P2RY8: variants seen among roughly 807,000 people sequenced by gnomAD.
P2RY8 encodes the protein S-geranylgeranyl-glutathione receptor P2RY8.
A neutral mutation model predicts 10.0 loss-of-function variants in P2RY8; 6 were observed. That is an observed-to-expected ratio of 0.60 (90% confidence interval 0.33 to 1.19). The LOEUF (loss-of-function observed/expected upper bound fraction) is 1.19, where lower values mean the gene tolerates loss of function less well. P2RY8 is among the 50% of genes most tolerant of loss of function. The probability of loss-of-function intolerance (pLI) is 0.04; values close to 1 mark genes in which losing one functional copy is unlikely to be tolerated. For synonymous variants in P2RY8, 276 were observed against 252.5 expected (o/e 1.09, Z -0.88); for missense variants, 456 against 542.0 (o/e 0.84, Z 1.58).
At chrX:1,499,482 C>T (rs1164776699) in intron 1 of P2RY8, among the ~76,000 whole-genome samples, 2 of 152,010 alleles carry the variant, frequency 1.3e-5, no homozygotes, top group Non-Finnish European at 2.9e-5. Flanking sequence ...CCTTTTCTTA[C>T]GCATGAGGTA....
Position 1,466,358 on chromosome X carries a change from G to A in P2RY8, c.201C>T (p.Val67=). 5 of 1,613,854 alleles carry A rather than the reference G, an allele frequency of 3.1e-6. No individual in the cohort carries two copies. The highest frequency in any genetic ancestry group is 4.2e-6 in the Non-Finnish European group (5 of 1,179,864). Residue 67 remains valine, a synonymous_variant, in exon 2 of 2, where the codon GTC becomes GTT. Transcript: ENST00000381297. ...ACACGCTGGCCAGCATCAGGTCCGT[G>A]ACGCTCAGGTTGATCATGAAGATGA... The part of the protein sequence containing the change: ...PSVIFMINLS[V]TDLMLASVLP...
intron 1 of P2RY8, among the ~76,000 whole-genome samples, chrX:1,526,533 C>G (rs1239999190): frequency 6.6e-6 from 1 of 151,872 alleles, no homozygotes. Context: ...TGGATGGATG[C>G]ATCCACCACT....
At chrX:1,494,340 C>A (rs2092096824) in intron 1 of P2RY8, 1 of 152,432 alleles carries the variant, frequency 6.6e-6, no homozygotes, top group East Asian at 1.9e-4. Context: ...CTCCGGAGAC[C>A]CAGCAAGCTG....
At chrX:1,494,463 G>A (rs747473041) in intron 1 of P2RY8, 8 of 152,212 alleles carry the variant, frequency 5.3e-5, no homozygotes, top group African/African-American at 1.9e-4. Flanking sequence ...GGGCCCCAGG[G>A]AGCGAGGTCA....
chrX:1,503,139 C>T (rs1387156623), intron 1 of P2RY8, among the ~76,000 whole-genome samples: 2 of 151,340 alleles, frequency 1.3e-5, no homozygotes, highest in Admixed American at 6.6e-5. Context: ...CACGTGGAGA[C>T]GGAGACAGAG....
chrX:1,532,512 T>G (rs2092486661), intron 1 of P2RY8, among the ~76,000 whole-genome samples: 1 of 148,172 alleles, frequency 6.7e-6, no homozygotes, highest in Non-Finnish European at 1.5e-5. Context: ...TATGTATAGA[T>G]GTATATGATG....
chrX:1,481,862 C>A (rs1342286219), intron 1 of P2RY8, among the ~76,000 whole-genome samples: 1 of 152,148 alleles, frequency 6.6e-6, no homozygotes, highest in Non-Finnish European at 1.5e-5. Context: ...CAAGAATCCT[C>A]CTAGCTAAGC....
intron 1 of P2RY8, among the ~76,000 whole-genome samples, chrX:1,493,037 G>C: frequency 6.6e-6 from 1 of 151,590 alleles, no homozygotes; most frequent in South Asian, 2.1e-4. Context: ...ATCAGGCCAG[G>C]CGCACTTTGG....
At chrX:1,512,815 G>A (rs2092308844) in intron 1 of P2RY8, among the ~76,000 whole-genome samples, 1 of 149,098 alleles carries the variant, frequency 6.7e-6, no homozygotes, top group South Asian at 2.1e-4. Flanking sequence ...TCTCTGCCTG[G>A]TCCTGCCCTT....
intron 1 of P2RY8, among the ~76,000 whole-genome samples, chrX:1,511,629 C>G (rs2092298424): frequency 6.6e-6 from 1 of 152,222 alleles, no homozygotes; most frequent in South Asian, 2.1e-4. Context: ...AAACTGTCCT[C>G]CCACTTCAAC....
chrX:1,513,420 G>T (rs1255867087), intron 1 of P2RY8, among the ~76,000 whole-genome samples: 1 of 152,176 alleles, frequency 6.6e-6, no homozygotes, highest in Admixed American at 6.5e-5. Context: ...GAGGCTCTAG[G>T]GGAGGATCCC....
chrX:1,474,522 G>A (rs1424367488), intron 1 of P2RY8, among the ~76,000 whole-genome samples: 1 of 122,412 alleles, frequency 8.2e-6, no homozygotes, highest in African/African-American at 2.8e-5. Flanking sequence ...ATGGATAGAT[G>A]GGTGGCTGGA....
At chrX:1,501,779 G>C (rs2092182752) in intron 1 of P2RY8, among the ~76,000 whole-genome samples, 1 of 151,508 alleles carries the variant, frequency 6.6e-6, no homozygotes, top group African/African-American at 2.4e-5. Context: ...ATTTTTAGTA[G>C]AGATGGGGTT....
In P2RY8 at chrX:1,464,370, C is replaced by T. The variant is rs1288565979; in HGVS notation, c.*1109G>A. On this transcript the variant is annotated 3_prime_UTR_variant, in exon 2 of 2. Transcript: ENST00000381297. ...CACCACCCACACAGCAGGGAGGGGG[C>T]TCAGCGGCTGACACCCCTGTAGGTT... is the stretch of plus-strand genomic sequence containing the variant. 7 of 233,560 alleles carry T rather than the reference C, an allele frequency of 3.0e-5. No individual in the cohort carries two copies. The highest frequency in any genetic ancestry group is 5.9e-5 in the Non-Finnish European group (7 of 118,368). 14.5% of individuals were successfully genotyped at this position (233,560 alleles called of 1,614,324 possible).
At chrX:1,492,801 T>C (rs1162443821) in intron 1 of P2RY8, among the ~76,000 whole-genome samples, 1 of 152,092 alleles carries the variant, frequency 6.6e-6, no homozygotes, top group Non-Finnish European at 1.5e-5. Context: ...CCACCTGCCC[T>C]GGGCTGAGAC....
chrX:1,489,365 G>T (rs1180382724), intron 1 of P2RY8, among the ~76,000 whole-genome samples: 2 of 150,310 alleles, frequency 1.3e-5, no homozygotes, highest in Non-Finnish European at 3.0e-5. Context: ...CGACACCTAA[G>T]GATTCCTCAC....
chrX:1,513,441 C>T (rs1169209835), intron 1 of P2RY8, among the ~76,000 whole-genome samples: 2 of 152,130 alleles, frequency 1.3e-5, no homozygotes, highest in Non-Finnish European at 2.9e-5. Context: ...TCCTGCCTCT[C>T]CAAGCTCCTG....
chrX:1,464,198 G>A lies in P2RY8; in HGVS notation c.*1281C>T, dbSNP rs1234644327. 13 of 233,272 alleles carry A rather than the reference G, an allele frequency of 5.6e-5. No individual in the cohort carries two copies. Among genetic ancestry groups the A allele is most frequent in the Non-Finnish European group, 9.3e-5 (11 of 118,106 alleles). 14.5% of individuals were successfully genotyped at this position (233,272 alleles called of 1,614,324 possible). On this transcript the variant is annotated 3_prime_UTR_variant, in exon 2 of 2. Transcript: ENST00000381297. ...TCCCACCTCCAGAATGGTCTTTCTC[G>A]CCCAAGAGAGCCTGGGATCCAATTC...
At chrX:1,510,956 A>G (rs2092294170) in intron 1 of P2RY8, among the ~76,000 whole-genome samples, 1 of 152,024 alleles carries the variant, frequency 6.6e-6, no homozygotes, top group African/African-American at 2.4e-5. Context: ...AGGCGGGTGG[A>G]TCACGGGGTC....
Sources: allele counts gnomAD v4.1 joint callset (sites outside exome capture counted in the v4.1 genomes callset), GRCh38; gene constraint gnomAD v4.1.1; transcripts MANE v1.5; gene names NCBI Gene and HGNC (gene_info 2026-07-23, HGNC 2026-07-21).